CERS5: variants seen among roughly 807,000 people sequenced by gnomAD.
CERS5 encodes the protein ceramide synthase 5.
A neutral mutation model predicts 58.9 loss-of-function variants in CERS5; 37 were observed. The observed-to-expected ratio is 0.63, with a 90% CI of 0.48 to 0.83. The LOEUF is 0.83. CERS5 is among the 40% of genes least tolerant of loss of function. The pLI, the probability that CERS5 is intolerant of heterozygous loss-of-function variation, is 0.00. For synonymous variants in CERS5, 147 were observed against 177.8 expected (o/e 0.83, Z 1.38); for missense variants, 398 against 489.3 (o/e 0.81, Z 1.76).
At chr12:50,134,267 T>C in intron 9 of CERS5, 1 of 527,856 alleles carries the variant, frequency 1.9e-6, no homozygotes. Context: ...TAGTCCCAGC[T>C]ACTTGGGAGG....
At chr12:50,149,737 T>C (rs1037565788) in intron 1 of CERS5, among the ~76,000 whole-genome samples, 1 of 152,134 alleles carries the variant, frequency 6.6e-6, no homozygotes, top group African/African-American at 2.4e-5. Context: ...GCAAATGTTA[T>C]TTATGTATTT....
At chr12:50,152,973 G>A (rs1447013188) in intron 1 of CERS5, among the ~76,000 whole-genome samples, 4 of 152,188 alleles carry the variant, frequency 2.6e-5, no homozygotes, top group Non-Finnish European at 5.9e-5. Flanking sequence ...GGGAGGCTGA[G>A]GCAGGAGAAT....
chr12:50,129,569 G>A lies in CERS5; in HGVS notation c.*976C>T, dbSNP rs1162652356. On this transcript the variant is annotated 3_prime_UTR_variant, in exon 10 of 10. Coordinates refer to ENST00000317551, the MANE Select transcript of CERS5 (RefSeq NM_147190.5). ...CGCCCAGGCTGGAGTGCAGTGGCAC[G>A]ATCTTGGCTCGCTGCAACCTCTGCC... 4 of 142,012 alleles carry A rather than the reference G, an allele frequency of 2.8e-5. No homozygotes were observed. Among genetic ancestry groups the A allele is most frequent in the Non-Finnish European group, 4.5e-5 (3 of 66,892 alleles). 8.8% of individuals were successfully genotyped at this position (142,012 alleles called of 1,614,324 possible).
At chr12:50,145,669 G>GA (rs1592378864) in intron 1 of CERS5, among the ~76,000 whole-genome samples, 3 of 148,788 alleles carry the variant, frequency 2.0e-5, no homozygotes, top group East Asian at 2.0e-4. Context: ...CCGGTGGGGG[G>GA]GAAAAAAAAA....
chr12:50,158,060 CAAAAAAAAA>C (rs11388385), intron 1 of CERS5, among the ~76,000 whole-genome samples: 9 of 81,358 alleles, frequency 1.1e-4, no homozygotes, highest in African/African-American at 1.4e-4. Flanking sequence ...AGACCATGAC[CAAAAAAAAA>C]AAAAAAAAAA....
intron 1 of CERS5, chr12:50,148,651 CTT>C (rs1294816775): frequency 1.2e-5 from 3 of 241,756 alleles, no homozygotes; most frequent in African/African-American, 7.0e-5. Context: ...AATACCGGCA[CTT>C]TGGGAGGTTG....
Position 50,135,961 on chromosome 12 carries a change from C to A in CERS5, c.745G>T (p.Val249Phe). ...TTTACCTCCAGCAAGAAGTCTGAGA[C>A]ATCATGTAGACACATGATCAGAGTT... ...VGTLIMCLHD[V>F]SDFLLEAAKL... The change falls in exon 7 of 10, where the codon GTC becomes TTC. Residue 249 changes from valine (V) to phenylalanine (F), a missense_variant. Physicochemically the swap from Val to Phe is conservative, Grantham distance 50 (BLOSUM62 -1). Around this residue, in one of 3 missense-constraint regions of CERS5, gnomAD observed 328 missense variants for 384.5 expected, o/e 0.85. Coordinates refer to ENST00000317551, the MANE Select transcript of CERS5 (RefSeq NM_147190.5). 1 of 1,539,200 alleles carries A rather than the reference C, an allele frequency of 6.5e-7. No individual in the cohort carries two copies. The highest frequency in any genetic ancestry group is 1.3e-5 in the South Asian group (1 of 76,174).
At chr12:50,134,895 C>T (rs956123512) in intron 8 of CERS5, 193 bp from the exon 9 acceptor site, 32 of 563,604 alleles carry the variant, frequency 5.7e-5, no homozygotes, top group Admixed American at 3.7e-4. Context: ...TCCTTAGGGA[C>T]AGAGAAAGAT....
chr12:50,131,696 T>A (rs1188657735), intron 9 of CERS5, among the ~76,000 whole-genome samples: 1 of 152,160 alleles, frequency 6.6e-6, no homozygotes, highest in Admixed American at 6.5e-5. Context: ...TGTGAATGCT[T>A]ATTAACCTGG....
chr12:50,141,687 C>G (rs1487466095), intron 4 of CERS5, among the ~76,000 whole-genome samples: 1 of 152,046 alleles, frequency 6.6e-6, no homozygotes, highest in Non-Finnish European at 1.5e-5. Flanking sequence ...GCCTGAAATC[C>G]TGGCACTTTG....
At chr12:50,160,304 CAAAAAAAAAAAAAAGA>C (rs908590147) in intron 1 of CERS5, among the ~76,000 whole-genome samples, 5 of 84,802 alleles carry the variant, frequency 5.9e-5, no homozygotes, top group African/African-American at 2.8e-4. Context: ...GACTCTGTCT[CAAAAAAAAAAAAAAGA>C]AAAAAAAAAG....
At chr12:50,136,889 A>G (rs563662268) in intron 6 of CERS5, among the ~76,000 whole-genome samples, 57 of 152,332 alleles carry the variant, frequency 3.7e-4, no homozygotes, top group African/African-American at 1.3e-3. Flanking sequence ...AAACTTAAAT[A>G]TGTATTTCAA....
intron 1 of CERS5, among the ~76,000 whole-genome samples, chr12:50,164,107 G>A (rs1033162106): frequency 6.6e-6 from 1 of 151,316 alleles, no homozygotes; most frequent in African/African-American, 2.4e-5. Flanking sequence ...TTACAGGCAT[G>A]TACCACTATG....
intron 1 of CERS5, among the ~76,000 whole-genome samples, chr12:50,148,927 A>AATATAT (rs773368671): frequency 2.9e-4 from 14 of 48,036 alleles, no homozygotes; most frequent in African/African-American, 7.7e-4. Context: ...AAAAAAAAAA[A>AATATAT]ATATATATAT....
chr12:50,133,711 C>G, intron 9 of CERS5: 1 of 985,520 alleles, frequency 1.0e-6, no homozygotes, highest in Non-Finnish European at 1.2e-6. Flanking sequence ...CATCCTTTAA[C>G]AAAAGCCATT....
In CERS5 at chr12:50,135,998, C is replaced by A; in HGVS notation, c.708G>T (p.Met236Ile). The A allele has an allele frequency of 1.3e-6, 2 of 1,520,832 alleles. No individual in the cohort carries two copies. The highest frequency in any genetic ancestry group is 1.8e-6 in the Non-Finnish European group (2 of 1,137,978). The allele number at this position is 1,520,832 out of a possible 1,614,324, so 94.2% of individuals were successfully genotyped here. Residue 236 changes from methionine to isoleucine, a missense_variant, in exon 7 of 10, where the codon ATG becomes ATT. Met to Ile is a conservative substitution (Grantham distance 10, BLOSUM62 1). This residue lies in a region of CERS5 where 328 missense variants were observed against 384.5 expected (regional missense o/e 0.85). Coordinates refer to ENST00000317551, the MANE Select transcript of CERS5 (RefSeq NM_147190.5). ...ACATGATCAGAGTTCCCACTCGAAC[C>A]ATATTGTTGATGTAGGAGAAGGAGA... Reference protein sequence around the residue: ...GLISFSYINNMVRVGTLIMCL... With the variant: ...GLISFSYINNIVRVGTLIMCL...
rs747014438 is a variant in CERS5 at position 50,134,513 on chromosome 12, AC to A, written c.1029+32del. ...CTGTTGAGTAATCCCTATCTTCCATACCCAAAAGAAAGAAGCCATCTTTCAT... is the reference window on the plus strand; with the variant it reads ...CTGTTGAGTAATCCCTATCTTCCATACCAAAAGAAAGAAGCCATCTTTCAT... On this transcript the variant is annotated intron_variant, in intron 9 of 9. Transcript: ENST00000317551. The A allele has an allele frequency of 9.3e-6, 15 of 1,613,910 alleles. No individual in the cohort carries two copies. In the Admixed American group the frequency reaches 2.3e-4, roughly 25 times the overall value.
In CERS5 at chr12:50,167,227, G is replaced by A. The variant is rs2138334994; in HGVS notation, c.71C>T (p.Pro24Leu). The change falls in exon 1 of 10, where the codon CCC becomes CTC. Residue 24 changes from proline (P) to leucine (L), a missense_variant. Coordinates refer to ENST00000317551, the MANE Select transcript of CERS5 (RefSeq NM_147190.5). ...CAGATCAGCCCAGCTCACGTTCTCGGGTAGCCAGAAGCGCTCGCTCCACAG... is the reference window on the plus strand; with the variant it reads ...CAGATCAGCCCAGCTCACGTTCTCGAGTAGCCAGAAGCGCTCGCTCCACAG... Reference protein sequence around the residue: ...GWLWSERFWLPENVSWADLEG... With the variant: ...GWLWSERFWLLENVSWADLEG... The A allele has an allele frequency of 5.0e-6, 8 of 1,606,282 alleles. No individual in the cohort carries two copies. Among genetic ancestry groups the A allele is most frequent in the Non-Finnish European group, 6.8e-6 (8 of 1,177,926 alleles).
intron 8 of CERS5, among the ~76,000 whole-genome samples, chr12:50,135,141 GA>G (rs1204876178): frequency 1.0e-5 from 1 of 97,352 alleles, no homozygotes. Context: ...GGGAGGGAGA[GA>G]GAGAGGAGGG....
Sources: allele counts gnomAD v4.1 joint callset (sites outside exome capture counted in the v4.1 genomes callset), GRCh38; gene constraint gnomAD v4.1.1; regional missense constraint gnomAD v4.1.1; transcripts MANE v1.5; gene names NCBI Gene and HGNC (gene_info 2026-07-23, HGNC 2026-07-21).